The following IMMP2L variants were observed in gnomAD, a reference collection of about 807,000 sequenced individuals.
IMMP2L encodes the protein inner mitochondrial membrane peptidase subunit 2.
In IMMP2L, 18 loss-of-function variants were observed where a neutral mutation model predicts 19.3. That is an observed-to-expected ratio of 0.93 (90% confidence interval 0.64 to 1.38). The LOEUF (loss-of-function observed/expected upper bound fraction) is 1.38, where lower values mean the gene tolerates loss of function less well. IMMP2L is among the 40% of genes most tolerant of loss of function. The probability of loss-of-function intolerance (pLI) is 0.00; values close to 1 mark genes in which losing one functional copy is unlikely to be tolerated. For synonymous variants in IMMP2L, 76 were observed against 73.0 expected (o/e 1.04, Z -0.21); for missense variants, 233 against 218.2 (o/e 1.07, Z -0.43).
At chr7:110,679,963 A>G (rs570848051) in intron 5 of IMMP2L, among the ~76,000 whole-genome samples, 2 of 152,302 alleles carry the variant, frequency 1.3e-5, no homozygotes, top group South Asian at 4.1e-4. Context: ...ATTTTCTCTG[A>G]TTTAATTTTT....
intron 3 of IMMP2L, chr7:111,122,715 C>A: frequency 1.5e-6 from 2 of 1,356,090 alleles, no homozygotes; most frequent in South Asian, 1.3e-5. Flanking sequence ...ATTGAACTTA[C>A]TAGCACTGAC....
intron 3 of IMMP2L, among the ~76,000 whole-genome samples, chr7:111,453,769 A>G (rs1198262443): frequency 1.3e-5 from 2 of 152,156 alleles, no homozygotes; most frequent in Non-Finnish European, 2.9e-5. Context: ...GCAAAACTCA[A>G]TCCTTCCTGT....
chr7:110,840,535 G>A (rs572898230), intron 5 of IMMP2L, among the ~76,000 whole-genome samples: 38 of 152,244 alleles, frequency 2.5e-4, no homozygotes, highest in African/African-American at 9.1e-4. Context: ...TGATAGTACT[G>A]TCACATAAAT....
chr7:110,810,340 G>C (rs1040653592), intron 5 of IMMP2L, among the ~76,000 whole-genome samples: 1 of 152,002 alleles, frequency 6.6e-6, no homozygotes, highest in Non-Finnish European at 1.5e-5. Context: ...GAAAAATTCA[G>C]CTATAAGTCA....
chr7:111,095,057 G>A (rs1415959912), intron 3 of IMMP2L, among the ~76,000 whole-genome samples: 1 of 151,938 alleles, frequency 6.6e-6, no homozygotes, highest in African/African-American at 2.4e-5. Flanking sequence ...TTGCTATTAT[G>A]TTAATTCATC....
chr7:110,809,084 A>G (rs1373062029), intron 5 of IMMP2L, among the ~76,000 whole-genome samples: 5 of 152,040 alleles, frequency 3.3e-5, no homozygotes, highest in African/African-American at 1.2e-4. Context: ...AGTGAAGCTC[A>G]ATTACCGTTT....
intron 3 of IMMP2L, among the ~76,000 whole-genome samples, chr7:111,192,968 T>C (rs542595334): frequency 3.3e-5 from 5 of 151,598 alleles, no homozygotes; most frequent in East Asian, 3.9e-4. Context: ...AGTTGGGCAA[T>C]TGGGAAGTCC....
intron 3 of IMMP2L, among the ~76,000 whole-genome samples, chr7:111,343,195 T>A (rs1003486384): frequency 5.3e-5 from 8 of 152,132 alleles, no homozygotes; most frequent in African/African-American, 1.9e-4. Flanking sequence ...AAATGTTAAT[T>A]GTATCAAGTC....
intron 3 of IMMP2L, among the ~76,000 whole-genome samples, chr7:111,456,155 T>C (rs945976779): frequency 2.0e-5 from 3 of 151,882 alleles, no homozygotes; most frequent in African/African-American, 7.3e-5. Flanking sequence ...GCCAAATAAC[T>C]CTTTAGGGCA....
chr7:111,507,293 A>G (rs1289716754), intron 2 of IMMP2L, among the ~76,000 whole-genome samples: 2 of 152,172 alleles, frequency 1.3e-5, no homozygotes, highest in South Asian at 4.1e-4. Context: ...TATTTCCTCT[A>G]ATTTCTGCTA....
At chr7:111,516,485 T>C (rs1204291337) in intron 2 of IMMP2L, among the ~76,000 whole-genome samples, 1 of 152,102 alleles carries the variant, frequency 6.6e-6, no homozygotes, top group Non-Finnish European at 1.5e-5. Context: ...CGCACTACTC[T>C]TGCAACTTTT....
intron 5 of IMMP2L, among the ~76,000 whole-genome samples, chr7:110,775,001 A>C (rs887339500): frequency 6.6e-6 from 1 of 152,114 alleles, no homozygotes; most frequent in Non-Finnish European, 1.5e-5. Context: ...CCATGCAGCC[A>C]ATTAAAATCA....
chr7:111,101,336 T>C (rs1174039096), intron 3 of IMMP2L, among the ~76,000 whole-genome samples: 1 of 151,482 alleles, frequency 6.6e-6, no homozygotes, highest in Non-Finnish European at 1.5e-5. Context: ...ATAATGTCTA[T>C]AAGATACAAC....
chr7:111,231,054 G>GTGTA (rs1029378371), intron 3 of IMMP2L, among the ~76,000 whole-genome samples: 1 of 149,080 alleles, frequency 6.7e-6, no homozygotes, highest in Non-Finnish European at 1.5e-5. Flanking sequence ...GTGTGTGTGT[G>GTGTA]TACATATAAA....
chr7:111,363,341 C>A (rs964994605), intron 3 of IMMP2L, among the ~76,000 whole-genome samples: 1 of 152,064 alleles, frequency 6.6e-6, no homozygotes, highest in Non-Finnish European at 1.5e-5. Flanking sequence ...TTAACAAAAT[C>A]TCCAAGTGAT....
At chr7:111,259,818 T>TA (rs1013785606) in intron 3 of IMMP2L, among the ~76,000 whole-genome samples, 2 of 152,046 alleles carry the variant, frequency 1.3e-5, no homozygotes, top group Non-Finnish European at 2.9e-5. Flanking sequence ...TTTTCTATTT[T>TA]AAAAAAATAT....
chr7:111,145,579 G>A (rs950353328), intron 3 of IMMP2L, among the ~76,000 whole-genome samples: 1 of 152,060 alleles, frequency 6.6e-6, no homozygotes, highest in East Asian at 1.9e-4. Context: ...GGACTGCCAA[G>A]TAAGTAAGAA....
chr7:111,484,639 A>G (rs10240729), intron 3 of IMMP2L, among the ~76,000 whole-genome samples: 26,669 of 152,120 alleles, frequency 0.18, 4,392 homozygotes, highest in African/African-American at 0.43. Flanking sequence ...GATGCATTGT[A>G]TAAGAAAAGC....
chr7:110,685,727 G>A (rs1456294183), intron 5 of IMMP2L, among the ~76,000 whole-genome samples: 1 of 151,032 alleles, frequency 6.6e-6, no homozygotes, highest in East Asian at 1.9e-4. Flanking sequence ...TTTTTTTTCT[G>A]ACACAAAGCT....
Sources: gnomAD v4.1 joint callset for allele counts (sites outside exome capture counted in the v4.1 genomes callset) on GRCh38, gnomAD v4.1.1 for gene constraint, MANE v1.5 for transcripts, NCBI Gene and HGNC (gene_info 2026-07-23, HGNC 2026-07-21) for gene names.